The following SLC8A1 variants were observed in gnomAD, a reference collection of about 807,000 sequenced individuals.
The protein encoded by SLC8A1 is solute carrier family 8 member A1.
SLC8A1 carries 18 observed loss-of-function variants against 68.3 expected under a neutral mutation model. The ratio of observed to expected loss-of-function variants is 0.26; its 90% CI spans 0.18 to 0.39. The LOEUF (loss-of-function observed/expected upper bound fraction) is 0.39, where lower values mean the gene tolerates loss of function less well. SLC8A1 is among the 10% of genes least tolerant of loss of function. The pLI, the probability that SLC8A1 is intolerant of heterozygous loss-of-function variation, is 1.00. For missense variants in SLC8A1, 985 were observed against 1,156.7 expected (o/e 0.85, Z 2.15); for synonymous variants, 475 against 415.5 (o/e 1.14, Z -1.74).
intron 2 of SLC8A1, among the ~76,000 whole-genome samples, chr2:40,200,224 T>TATATATATATATAAA (rs1558722544): frequency 4.4e-4 from 2 of 4,570 alleles, no homozygotes; most frequent in African/African-American, 1.0e-3. Context: ...ATATATTTTT[T>TATATATATATATAAA]TATATATATA....
At chr2:40,173,150 T>C (rs1232581488) in intron 4 of SLC8A1, among the ~76,000 whole-genome samples, 1 of 152,152 alleles carries the variant, frequency 6.6e-6, no homozygotes, top group Non-Finnish European at 1.5e-5. Context: ...AATTCAGTCA[T>C]GAAGACTGGC....
intron 2 of SLC8A1, among the ~76,000 whole-genome samples, chr2:40,253,866 G>C (rs1266366432): frequency 6.9e-6 from 1 of 143,958 alleles, no homozygotes; most frequent in East Asian, 2.0e-4. Context: ...AGGCTAGGAA[G>C]GACAGCAGGA....
In SLC8A1 at chr2:40,411,717, A is replaced by G. The variant is rs753743826; in HGVS notation, c.1808+16756T>C. 2.0e-5 allele frequency among the ~76,000 whole-genome samples: 3 copies of G among 152,214 alleles called. No homozygotes were observed. In the South Asian group the frequency reaches 6.2e-4, roughly 32 times the overall value. On this transcript the variant is annotated intron_variant, in intron 2 of 7. Coordinates refer to ENST00000406785, the Ensembl canonical transcript of SLC8A1. Reference sequence around the variant, plus strand: ...TTTAAAGAATTTTATTCATATAATGAAAACTTCTAACGCAAACCTTCACAA... The same window carrying G: ...TTTAAAGAATTTTATTCATATAATGGAAACTTCTAACGCAAACCTTCACAA...
At chr2:40,132,405 C>T (rs1345071061) in intron 7 of SLC8A1, among the ~76,000 whole-genome samples, 5 of 152,004 alleles carry the variant, frequency 3.3e-5, no homozygotes, top group Admixed American at 2.6e-4. Context: ...GACAGGGCCA[C>T]TGGAGTTACA....
At chr2:40,196,727 A>T (rs1359820304) in intron 2 of SLC8A1, among the ~76,000 whole-genome samples, 1 of 151,982 alleles carries the variant, frequency 6.6e-6, no homozygotes, top group East Asian at 1.9e-4. Context: ...CTTTTCTTTC[A>T]TTATCTGTCT....
At chr2:40,103,635 C>T (rs2034030087) in exon 8 of SLC8A1, 1 of 152,132 alleles carries the variant, frequency 6.6e-6, no homozygotes, top group African/African-American at 2.4e-5. Context: ...ACTGTATGAA[C>T]TTAAAGTTTT....
chr2:40,129,422 C>A (rs947699342), intron 7 of SLC8A1, among the ~76,000 whole-genome samples: 1 of 151,198 alleles, frequency 6.6e-6, no homozygotes, highest in Non-Finnish European at 1.5e-5. Flanking sequence ...TTTTTGTAGA[C>A]ACAGGGTCTC....
intron 2 of SLC8A1, among the ~76,000 whole-genome samples, chr2:40,345,166 G>T (rs1222473805): frequency 1.3e-5 from 2 of 152,032 alleles, no homozygotes; most frequent in African/African-American, 4.8e-5. Context: ...GCTTATGATA[G>T]GAGTGAAGGG....
intron 6 of SLC8A1, among the ~76,000 whole-genome samples, chr2:40,159,826 G>T (rs1458358153): frequency 1.3e-5 from 2 of 152,244 alleles, no homozygotes; most frequent in Admixed American, 1.3e-4. Context: ...TCTTCTCACA[G>T]CACTTGGGAG....
chr2:40,178,274 A>G, intron 2 of SLC8A1, 113 bp downstream of exon 3: 1 of 812,792 alleles, frequency 1.2e-6, no homozygotes, highest in South Asian at 1.4e-5. Context: ...GTGCCCTGTT[A>G]CATAGGTGGA....
chr2:40,307,638 G>C (rs934659787), intron 2 of SLC8A1, among the ~76,000 whole-genome samples: 4 of 152,180 alleles, frequency 2.6e-5, no homozygotes, highest in African/African-American at 9.7e-5. Context: ...TTTGGCTAAA[G>C]GGGTACAGTC....
chr2:40,479,957 T>C (rs1704528650), intron 1 of SLC8A1, among the ~76,000 whole-genome samples: 1 of 152,198 alleles, frequency 6.6e-6, no homozygotes, highest in Non-Finnish European at 1.5e-5. Flanking sequence ...TCTGTTGATA[T>C]AGTTATGAAA....
chr2:40,200,072 A>G (rs2053836578), intron 2 of SLC8A1, among the ~76,000 whole-genome samples: 1 of 143,806 alleles, frequency 7.0e-6, no homozygotes, highest in Admixed American at 7.3e-5. Context: ...TGCCAAGCAC[A>G]AACTATAAGA....
At chr2:40,303,179 C>A (rs1322087919) in intron 2 of SLC8A1, among the ~76,000 whole-genome samples, 1 of 152,202 alleles carries the variant, frequency 6.6e-6, no homozygotes, top group Non-Finnish European at 1.5e-5. Context: ...CTGCTATGTT[C>A]ATTCAATTTA....
intron 2 of SLC8A1, among the ~76,000 whole-genome samples, chr2:40,387,473 T>G (rs1683923130): frequency 6.6e-6 from 1 of 151,380 alleles, no homozygotes; most frequent in African/African-American, 2.5e-5. Flanking sequence ...TGAAACCAGA[T>G]ACAAAACATC....
chr2:40,442,300 G>C (rs1264228718), intron 1 of SLC8A1, among the ~76,000 whole-genome samples: 1 of 147,534 alleles, frequency 6.8e-6, no homozygotes, highest in Non-Finnish European at 1.5e-5. Context: ...ACTAGCATCA[G>C]AGTGAACAAG....
chr2:40,485,663 AC>A (rs1446361098), intron 1 of SLC8A1, among the ~76,000 whole-genome samples: 37 of 152,278 alleles, frequency 2.4e-4, no homozygotes, highest in South Asian at 6.2e-4. Flanking sequence ...AAAATGGAAT[AC>A]TCTTAAATAT....
intron 2 of SLC8A1, among the ~76,000 whole-genome samples, chr2:40,306,857 T>C (rs1559172305): frequency 6.6e-6 from 1 of 152,198 alleles, no homozygotes; most frequent in Non-Finnish European, 1.5e-5. Context: ...CACCAATCTA[T>C]GCTGAAGGAA....
intron 2 of SLC8A1, among the ~76,000 whole-genome samples, chr2:40,316,689 C>G (rs555821361): frequency 6.6e-6 from 1 of 151,958 alleles, no homozygotes; most frequent in Non-Finnish European, 1.5e-5. Flanking sequence ...TTTCTCAGAT[C>G]TTCTCTGAGC....
Sources: gnomAD v4.1 joint callset for allele counts (sites outside exome capture counted in the v4.1 genomes callset) on GRCh38, gnomAD v4.1.1 for gene constraint, MANE v1.5 for transcripts, NCBI Gene and HGNC (gene_info 2026-07-23, HGNC 2026-07-21) for gene names.